ADCK5: variants seen among roughly 807,000 people sequenced by gnomAD.
ADCK5 encodes aarF domain containing kinase 5.
A neutral mutation model predicts 64.9 loss-of-function variants in ADCK5; 43 were observed. The ratio of observed to expected loss-of-function variants is 0.66; its 90% CI spans 0.52 to 0.85. The LOEUF (loss-of-function observed/expected upper bound fraction) is 0.85, where lower values mean the gene tolerates loss of function less well. Among genes scored for constraint, ADCK5 ranks in the 40% least tolerant of loss-of-function variants. The pLI is 0.00. For synonymous variants in ADCK5, 434 were observed against 342.8 expected, an observed-to-expected ratio of 1.27 and a Z score of -2.94; for missense variants, 760 against 810.5, an observed-to-expected ratio of 0.94 and a Z score of 0.76.
rs1554861794 is a variant in ADCK5, at chr8:144,393,146, G to A, written c.*72G>A. On this transcript the variant is annotated 3_prime_UTR_variant, in exon 15 of 15. Transcript: ENST00000308860. ...CGGAGGTGGCGGGGCTAGAGGTGTA[G>A]ACACCCCGAGCCCCGTGGGCACTCG... 2 of 1,418,116 alleles carry A rather than the reference G, an allele frequency of 1.4e-6. No homozygotes were observed. The highest frequency in any genetic ancestry group is 1.9e-6 in the Non-Finnish European group (2 of 1,070,858). 87.8% of individuals were successfully genotyped at this position (1,418,116 alleles called of 1,614,324 possible).
intron 1 of ADCK5, 115 bp from the exon 2 acceptor site, chr8:144,379,272 A>G (rs1819498436): frequency 3.0e-6 from 2 of 672,048 alleles, no homozygotes; most frequent in South Asian, 2.5e-5. Flanking sequence ...GGACTCACAC[A>G]TTAGGTTTAG....
Position 144,393,226 on chromosome 8 carries a change from T to G in ADCK5, c.*152T>G. On this transcript the variant is annotated 3_prime_UTR_variant, in exon 15 of 15. Transcript: ENST00000308860. The stretch of plus-strand genomic sequence containing the variant: ...AGGAGGCCGTGTAATGACCACACAC[T>G]CCTCTCAAGCAAAAAATGTTTTTCC... 7.2e-7 allele frequency: 1 copy of G among 1,385,876 alleles called. No homozygotes were observed. Among genetic ancestry groups the G allele is most frequent in the Non-Finnish European group, 9.7e-7 (1 of 1,035,734 alleles). 85.8% of individuals were successfully genotyped at this position (1,385,876 alleles called of 1,614,324 possible).
rs374055237 is a variant in ADCK5, at chr8:144,374,092, G to A, written c.-4G>A. 2.0e-5 allele frequency: 25 copies of A among 1,248,306 alleles called. No homozygotes were observed. Among genetic ancestry groups the A allele is most frequent in the Non-Finnish European group, 2.1e-5 (21 of 988,856 alleles). 77.3% of individuals were successfully genotyped at this position (1,248,306 alleles called of 1,614,324 possible). On this transcript the variant is annotated 5_prime_UTR_variant, in exon 1 of 15. Coordinates refer to ENST00000308860, the MANE Select transcript of ADCK5 (RefSeq NM_174922.5). ...GCGGGAGAAGAGCGGAGCAGTGGTC[G>A]GAGATGTGGCGACCGGTGAGGACTC... is the stretch of plus-strand genomic sequence containing the variant.
Position 144,392,709 on chromosome 8 carries a change from G to A in ADCK5, c.1520+12G>A, listed in dbSNP as rs370293282. The A allele has an allele frequency of 1.3e-4, 204 of 1,591,290 alleles. No individual in the cohort carries two copies. Among genetic ancestry groups the A allele is most frequent in the Non-Finnish European group, 1.5e-4 (172 of 1,168,762 alleles). ...CTTATGGCTAAAAGGTCGGTGGCCC[G>A]AGGAGGCGCCCGGGCCGTGGTGGGG... On this transcript the variant is annotated intron_variant, in intron 13 of 14. Coordinates refer to ENST00000308860, the MANE Select transcript of ADCK5 (RefSeq NM_174922.5).
intron 3 of ADCK5, among the ~76,000 whole-genome samples, chr8:144,385,153 C>T (rs1819853886): frequency 6.6e-6 from 1 of 151,898 alleles, no homozygotes; most frequent in Non-Finnish European, 1.5e-5. Context: ...GCCTCAGAGC[C>T]CTGTCTTTAA....
rs1191771635 is a variant in ADCK5, at chr8:144,376,617, C to A, written c.12+2510C>A. Among the ~76,000 whole-genome samples the A allele has an allele frequency of 5.3e-5, 8 of 152,210 alleles. No homozygotes were observed. The highest frequency in any genetic ancestry group is 1.9e-4 in the African/African-American group (8 of 41,450). On this transcript the variant is annotated intron_variant, in intron 1 of 14. Transcript: ENST00000308860. The surrounding 1 kb of genome is among the most constrained non-coding windows in gnomAD (Gnocchi z 5.1). ...TCCTGGCCTCACCTGTTTGGTGGAG[C>A]CTGTGGAAACAGCTTGCGTTGCTGG...
At chr8:144,381,288 G>T in intron 2 of ADCK5, among the ~76,000 whole-genome samples, 1 of 146,862 alleles carries the variant, frequency 6.8e-6, no homozygotes, top group Non-Finnish European at 1.5e-5. Context: ...GTGTGCTCAG[G>T]CCCCTGCTGC....
At chr8:144,390,633 C>T in intron 3 of ADCK5, 38 bp from the exon 4 acceptor site, 1 of 1,604,702 alleles carries the variant, frequency 6.2e-7, no homozygotes, top group Non-Finnish European at 8.5e-7. Context: ...GGGCCCCGAG[C>T]CTGCCCCGCT....
Position 144,390,638 on chromosome 8 carries a change from C to G in ADCK5, c.267-33C>G, listed in dbSNP as rs1237660402. 4 of 1,608,186 alleles carry G rather than the reference C, an allele frequency of 2.5e-6. No homozygotes were observed. The African/African-American group carries it at 5.3e-5, about 21-fold the overall frequency. ...CCAAGCACCGGGGCCCCGAGCCTGCCCCGCTGGAGACTGAGGCCACCTCTG... is the reference window on the plus strand; with the variant it reads ...CCAAGCACCGGGGCCCCGAGCCTGCGCCGCTGGAGACTGAGGCCACCTCTG... On this transcript the variant is annotated intron_variant, in intron 3 of 14. Coordinates refer to ENST00000308860, the MANE Select transcript of ADCK5 (RefSeq NM_174922.5).
rs1554860763 is a variant in ADCK5 at position 144,391,806 on chromosome 8, C to T, written c.954C>T (p.Cys318=). The T allele has an allele frequency of 6.4e-7, 1 of 1,562,678 alleles. No homozygotes were observed. Residue 318 remains cysteine, a synonymous_variant, in exon 9 of 15, where the codon TGC becomes TGT. Transcript: ENST00000308860. ...AGCGCGTGCTCACTGCCGACTTCTG[C>T]GCCGGCTGCAAGGTCAACGATGTGG... ...SSKRVLTADF[C]AGCKVNDVEA... is the part of the protein sequence containing the mutation.
intron 3 of ADCK5, among the ~76,000 whole-genome samples, chr8:144,388,567 A>C (rs546768267): frequency 6.6e-6 from 1 of 152,010 alleles, no homozygotes; most frequent in Admixed American, 6.6e-5. Flanking sequence ...GATCGAGACC[A>C]TCCTGGCCAA....
In ADCK5 at chr8:144,390,754, C is replaced by T. The variant is rs1820182005; in HGVS notation, c.342+8C>T. ...CTTCGAGGGGTGGAAGAGGTTTGTCCTGGTGCCCTGGGCACACAGTGGTGG... is the reference window on the plus strand; with the variant it reads ...CTTCGAGGGGTGGAAGAGGTTTGTCTTGGTGCCCTGGGCACACAGTGGTGG... On this transcript the variant is annotated splice_region_variant and intron_variant, in intron 4 of 14. Coordinates refer to ENST00000308860, the MANE Select transcript of ADCK5 (RefSeq NM_174922.5). 2.5e-6 allele frequency: 4 copies of T among 1,613,294 alleles called. No individual in the cohort carries two copies. Among genetic ancestry groups the T allele is most frequent in the Non-Finnish European group, 2.5e-6 (3 of 1,179,596 alleles).
At chr8:144,392,417 C>CCA in intron 12 of ADCK5, 28 bp from the exon 13 acceptor site, 2 of 1,325,668 alleles carry the variant, frequency 1.5e-6, no homozygotes, top group Non-Finnish European at 2.0e-6. Flanking sequence ...TCAGAGCCCC[C>CCA]TCCCTCCCTC....
upstream of ADCK5, chr8:144,373,791 A>G (rs1819249877): frequency 2.0e-5 from 7 of 345,922 alleles, no homozygotes; most frequent in African/African-American, 1.5e-4. Flanking sequence ...CGTGCTTCTC[A>G]CAGCGGTCCT....
rs1820238947 is a variant in ADCK5 at position 144,391,697 on chromosome 8, G to A, written c.916G>A (p.Asp306Asn). The change falls in exon 8 of 15, where the codon GAC becomes AAC. Residue 306 changes from aspartate (D) to asparagine (N), a missense_variant. Asp to Asn is a conservative substitution (Grantham distance 23). Coordinates refer to ENST00000308860, the MANE Select transcript of ADCK5 (RefSeq NM_174922.5). ...CGTCGTGGTGCCCCGCGTGCACTGG[G>A]ACAAGTCCAGCAAGGTGGGCTGGGC... ...PYVVVPRVHW[D>N]KSSKRVLTAD... is the part of the protein sequence containing the mutation. 6.5e-7 allele frequency: 1 copy of A among 1,540,150 alleles called. No homozygotes were observed. Among genetic ancestry groups the A allele is most frequent in the Middle Eastern group, 1.7e-4 (1 of 5,952 alleles).
intron 2 of ADCK5, among the ~76,000 whole-genome samples, chr8:144,382,089 T>A (rs1365169209): frequency 7.8e-5 from 11 of 140,890 alleles, no homozygotes; most frequent in Non-Finnish European, 1.5e-4. Context: ...GAAACAGATG[T>A]GTGCTCAGGC....
intron 1 of ADCK5, chr8:144,375,455 A>C: frequency 1.0e-6 from 1 of 985,388 alleles, no homozygotes; most frequent in Non-Finnish European, 1.2e-6. Context: ...TCATCCGTTC[A>C]TGGTTTTTAG....
rs756672809 is a variant in ADCK5, at chr8:144,388,535, T to C, written c.267-2136T>C. ...ATCCCAGCACTTTGGGAGGCCAAGG[T>C]GGGCGGATCACGAGGTCGGGAGATC... On this transcript the variant is annotated intron_variant, in intron 3 of 14. Coordinates refer to ENST00000308860, the MANE Select transcript of ADCK5 (RefSeq NM_174922.5). Among the ~76,000 whole-genome samples, 55 of 149,830 alleles carry C rather than the reference T, an allele frequency of 3.7e-4. 1 individual carries two copies. The highest frequency in any genetic ancestry group is 3.6e-3 in the Middle Eastern group (1 of 278).
chr8:144,383,035 C>G lies in ADCK5; in HGVS notation c.117-46C>G, dbSNP rs782453481. Reference sequence around the variant, plus strand: ...GGTGGGGGCAGAGATCAGAGCCCAGCTGAATGTGGGGGGCGGCGCCTCCAG... The same window carrying G: ...GGTGGGGGCAGAGATCAGAGCCCAGGTGAATGTGGGGGGCGGCGCCTCCAG... On this transcript the variant is annotated intron_variant, in intron 2 of 14. Coordinates refer to ENST00000308860, the MANE Select transcript of ADCK5 (RefSeq NM_174922.5). 5.9e-5 allele frequency: 93 copies of G among 1,563,712 alleles called. 1 individual carries two copies. The East Asian group carries it at 2.2e-3, about 37-fold the overall frequency.
Sources: allele counts gnomAD v4.1 joint callset (sites outside exome capture counted in the v4.1 genomes callset), GRCh38; gene constraint gnomAD v4.1.1; non-coding constraint Gnocchi (gnomAD v3.1); transcripts MANE v1.5; gene names NCBI Gene and HGNC (gene_info 2026-07-23, HGNC 2026-07-21).